Variants in ZNF804B observed in about 807,000 individuals in gnomAD.
The protein encoded by ZNF804B is zinc finger 804B.
A neutral mutation model predicts 101.4 loss-of-function variants in ZNF804B; 80 were observed. That is an observed-to-expected ratio of 0.79 (90% confidence interval 0.66 to 0.95). The LOEUF is 0.95. Ranked by LOEUF, ZNF804B falls within the 40% of genes least tolerant of loss-of-function variation. The pLI, the probability that ZNF804B is intolerant of heterozygous loss-of-function variation, is 0.00. For missense variants in ZNF804B, 1,673 were observed against 1,561.9 expected (o/e 1.07, Z -1.20); for synonymous variants, 622 against 558.8 (o/e 1.11, Z -1.59).
At chr7:88,977,011 T>C (rs889388782) in intron 1 of ZNF804B, among the ~76,000 whole-genome samples, 3 of 151,832 alleles carry the variant, frequency 2.0e-5, no homozygotes, top group Admixed American at 2.0e-4. Context: ...TTGTACTTCA[T>C]TCTGTTGATA....
chr7:88,901,166 T>TA, intron 1 of ZNF804B, among the ~76,000 whole-genome samples: 1 of 151,984 alleles, frequency 6.6e-6, no homozygotes, highest in East Asian at 1.9e-4. Context: ...TATAATTCAT[T>TA]AAAATTATAA....
chr7:88,942,639 G>A (rs762724233), intron 1 of ZNF804B, among the ~76,000 whole-genome samples: 1 of 149,616 alleles, frequency 6.7e-6, no homozygotes, highest in Non-Finnish European at 1.5e-5. Context: ...CATCTTGAAT[G>A]AATGCATGAA....
chr7:89,303,254 A>G (rs1036439153), intron 2 of ZNF804B, among the ~76,000 whole-genome samples: 1 of 151,964 alleles, frequency 6.6e-6, no homozygotes, highest in African/African-American at 2.4e-5. Flanking sequence ...TCTAAATTTC[A>G]CATTCTAAAT....
At chr7:89,297,050 C>A (rs546689162) in intron 2 of ZNF804B, among the ~76,000 whole-genome samples, 26 of 152,062 alleles carry the variant, frequency 1.7e-4, no homozygotes, top group African/African-American at 6.0e-4. Context: ...CTTAACATAG[C>A]CCCTCAGCTG....
intron 1 of ZNF804B, among the ~76,000 whole-genome samples, chr7:89,080,119 A>G (rs1789673979): frequency 6.6e-6 from 1 of 151,920 alleles, no homozygotes. Context: ...CATTGCAATA[A>G]TCAAGGATAA....
At position 89,336,227 on chromosome 7, in the gene ZNF804B, A is replaced by G. The variant is rs1056823253; in HGVS notation, c.3245A>G (p.Tyr1082Cys). ...CCTGGTGCTTTTCCGTCTAATAAAT[A>G]TACTGGTGTGACTGATTCAACAGAG... Reference protein sequence around the residue: ...EFPGAFPSNKYTGVTDSTETQ... With the variant: ...EFPGAFPSNKCTGVTDSTETQ... The change falls in exon 4 of 4, where the codon TAT becomes TGT. Residue 1082 changes from tyrosine (Y) to cysteine (C), a missense_variant. By Grantham distance (194) the Tyr-to-Cys change is radical (BLOSUM62 -2). Transcript: ENST00000333190. The G allele has an allele frequency of 8.1e-6, 13 of 1,613,774 alleles. No individual in the cohort carries two copies. In the African/African-American group the frequency reaches 1.7e-4, roughly 22 times the overall value.
At chr7:89,036,946 T>C (rs2116241454) in intron 1 of ZNF804B, among the ~76,000 whole-genome samples, 1 of 152,286 alleles carries the variant, frequency 6.6e-6, no homozygotes, top group East Asian at 1.9e-4. Context: ...AATTGGTTCT[T>C]GCTATGATGT....
chr7:89,128,362 A>G (rs1421118819), intron 1 of ZNF804B, among the ~76,000 whole-genome samples: 1 of 151,998 alleles, frequency 6.6e-6, no homozygotes, highest in Non-Finnish European at 1.5e-5. Context: ...CAATGTATAT[A>G]TACTTTAAAA....
At chr7:89,316,834 G>GA (rs1210216447) in intron 2 of ZNF804B, among the ~76,000 whole-genome samples, 1 of 151,380 alleles carries the variant, frequency 6.6e-6, no homozygotes, top group East Asian at 1.9e-4. Flanking sequence ...ACGGAGGCAT[G>GA]AAAAAGACCC....
chr7:89,233,268 T>G (rs775649342), intron 2 of ZNF804B, among the ~76,000 whole-genome samples: 6 of 152,206 alleles, frequency 3.9e-5, no homozygotes, highest in Non-Finnish European at 8.8e-5. Flanking sequence ...TAACCAAACC[T>G]GAACCCTTAG....
At chr7:89,248,238 G>C (rs1789481295) in intron 2 of ZNF804B, among the ~76,000 whole-genome samples, 1 of 151,948 alleles carries the variant, frequency 6.6e-6, no homozygotes, top group Non-Finnish European at 1.5e-5. Flanking sequence ...TAGACAGCAA[G>C]ATACAAGAAA....
intron 2 of ZNF804B, among the ~76,000 whole-genome samples, chr7:89,252,035 C>G (rs1197209015): frequency 6.6e-6 from 1 of 152,094 alleles, no homozygotes; most frequent in Non-Finnish European, 1.5e-5. Context: ...TCAATTGCAA[C>G]AAAAACAACA....
At chr7:89,094,580 C>T (rs958795659) in intron 1 of ZNF804B, among the ~76,000 whole-genome samples, 7 of 152,178 alleles carry the variant, frequency 4.6e-5, no homozygotes, top group Non-Finnish European at 7.4e-5. Flanking sequence ...ATACGTTAGT[C>T]GCTGAGATGC....
At chr7:89,314,655 GAT>G (rs1297110537) in intron 2 of ZNF804B, among the ~76,000 whole-genome samples, 1 of 152,218 alleles carries the variant, frequency 6.6e-6, no homozygotes, top group East Asian at 1.9e-4. Flanking sequence ...GGTAGACACT[GAT>G]AGTTTGCTAA....
intron 1 of ZNF804B, among the ~76,000 whole-genome samples, chr7:88,765,087 T>C (rs1342934540): frequency 6.6e-6 from 1 of 151,814 alleles, no homozygotes; most frequent in Non-Finnish European, 1.5e-5. Flanking sequence ...CAAATTTGTG[T>C]TTATTTGACT....
intron 1 of ZNF804B, among the ~76,000 whole-genome samples, chr7:89,156,072 CTCT>C (rs1386793745): frequency 4.3e-5 from 2 of 46,528 alleles, no homozygotes; most frequent in African/African-American, 1.3e-4. Context: ...TTCTTTCTTT[CTCT>C]CTTTCTCTCT....
At chr7:89,024,834 A>G (rs996464526) in intron 1 of ZNF804B, among the ~76,000 whole-genome samples, 2 of 151,944 alleles carry the variant, frequency 1.3e-5, no homozygotes, top group African/African-American at 4.8e-5. Flanking sequence ...GTTAAAATTT[A>G]TGGAGAGTAA....
chr7:88,997,490 TG>T (rs1234497852), intron 1 of ZNF804B, among the ~76,000 whole-genome samples: 1 of 152,082 alleles, frequency 6.6e-6, no homozygotes, highest in Non-Finnish European at 1.5e-5. Context: ...TAATCACTAT[TG>T]GATATTAACT....
chr7:89,021,495 C>T (rs1292884709), intron 1 of ZNF804B, among the ~76,000 whole-genome samples: 3 of 152,162 alleles, frequency 2.0e-5, no homozygotes, highest in Non-Finnish European at 2.9e-5. Flanking sequence ...CAAGGCCACT[C>T]CTGCCAACCT....
Sources: gnomAD v4.1 joint callset for allele counts (sites outside exome capture counted in the v4.1 genomes callset) on GRCh38, gnomAD v4.1.1 for gene constraint, MANE v1.5 for transcripts, NCBI Gene and HGNC (gene_info 2026-07-23, HGNC 2026-07-21) for gene names.